MYO3A: variants seen among roughly 807,000 people sequenced by gnomAD.
The protein encoded by MYO3A is myosin-IIIa.
MYO3A carries 180 observed loss-of-function variants against 192.7 expected under a neutral mutation model. The observed-to-expected ratio is 0.93, with a 90% CI of 0.83 to 1.06. MYO3A has a LOEUF of 1.06. Ranked by LOEUF, MYO3A falls within the 50% of genes least tolerant of loss-of-function variation. MYO3A has a pLI of 0.00. For synonymous variants in MYO3A, 628 were observed against 645.3 expected (o/e 0.97, Z 0.41); for missense variants, 1,896 against 1,905.0 (o/e 1.00, Z 0.09).
At chr10:25,998,588 C>A (rs1040559645) in intron 6 of MYO3A, among the ~76,000 whole-genome samples, 4 of 152,058 alleles carry the variant, frequency 2.6e-5, no homozygotes, top group Non-Finnish European at 5.9e-5. Context: ...TTCACTGCTT[C>A]ATAGGAGGGG....
At chr10:26,056,682 AG>A (rs34669089) in intron 10 of MYO3A, among the ~76,000 whole-genome samples, 71,729 of 151,824 alleles carry the variant, frequency 0.47, 17,780 homozygotes, top group Middle Eastern at 0.59. Flanking sequence ...AATGTGTTCA[AG>A]TTCCAAATGC....
At chr10:26,164,919 C>T (rs1004045219) in intron 26 of MYO3A, among the ~76,000 whole-genome samples, 1 of 152,146 alleles carries the variant, frequency 6.6e-6, no homozygotes, top group African/African-American at 2.4e-5. Flanking sequence ...ACCATGTGTA[C>T]ATGAGCGAGT....
At chr10:26,075,590 G>C (rs1284911654) in intron 14 of MYO3A, among the ~76,000 whole-genome samples, 1 of 128,810 alleles carries the variant, frequency 7.8e-6, no homozygotes, top group Non-Finnish European at 1.7e-5. Context: ...ATATATATAT[G>C]ATATATATAT....
chr10:26,003,734 T>C (rs1346682152), intron 6 of MYO3A, among the ~76,000 whole-genome samples: 1 of 152,204 alleles, frequency 6.6e-6, no homozygotes, highest in Admixed American at 6.5e-5. Flanking sequence ...GGACAGCCCT[T>C]AGTTCTTATT....
intron 26 of MYO3A, among the ~76,000 whole-genome samples, chr10:26,163,181 T>C (rs188312633): frequency 2.0e-5 from 3 of 152,310 alleles, no homozygotes; most frequent in African/African-American, 7.2e-5. Context: ...TGGCAAACAA[T>C]TTAAAGCCAA....
chr10:26,093,255 G>A (rs1342064124), intron 15 of MYO3A, among the ~76,000 whole-genome samples: 1 of 152,182 alleles, frequency 6.6e-6, no homozygotes, highest in African/African-American at 2.4e-5. Flanking sequence ...CACATTGTTA[G>A]CACTTAACTG....
chr10:26,117,437 A>G (rs1318005306), intron 17 of MYO3A, among the ~76,000 whole-genome samples: 1 of 152,116 alleles, frequency 6.6e-6, no homozygotes, highest in Non-Finnish European at 1.5e-5. Context: ...TAAGCCTGGT[A>G]CCCATTAGTT....
At chr10:26,143,395 A>G in intron 20 of MYO3A, 53 bp from the exon 21 acceptor site, 2 of 1,538,588 alleles carry the variant, frequency 1.3e-6, no homozygotes, top group Non-Finnish European at 1.8e-6. Flanking sequence ...TTAGGTAATT[A>G]CTATGAAGCT....
chr10:26,159,009 A>ATTT (rs200816614), intron 26 of MYO3A, among the ~76,000 whole-genome samples: 1 of 143,886 alleles, frequency 6.9e-6, no homozygotes, highest in Non-Finnish European at 1.5e-5. Context: ...ATTTCTGCTA[A>ATTT]TTTTTTTTTT....
At chr10:25,945,833 A>T (rs968198629) in intron 2 of MYO3A, among the ~76,000 whole-genome samples, 1 of 152,008 alleles carries the variant, frequency 6.6e-6, no homozygotes, top group African/African-American at 2.4e-5. Context: ...CTCTAATACT[A>T]TCTCCCTTGT....
intron 18 of MYO3A, 105 bp from the exon 19 acceptor site, chr10:26,125,293 A>G (rs1287546249): frequency 4.1e-6 from 4 of 984,222 alleles, no homozygotes; most frequent in Non-Finnish European, 6.3e-6. Context: ...ATCTCCACAC[A>G]TTTAATTCAT....
intron 17 of MYO3A, among the ~76,000 whole-genome samples, chr10:26,098,746 G>T (rs1288964287): frequency 6.6e-6 from 1 of 152,042 alleles, no homozygotes; most frequent in East Asian, 1.9e-4. Flanking sequence ...ATTTCTGAGG[G>T]TTCTTTTCTG....
chr10:26,155,258 G>A (rs1841044960), intron 25 of MYO3A, among the ~76,000 whole-genome samples: 1 of 152,204 alleles, frequency 6.6e-6, no homozygotes, highest in South Asian at 2.1e-4. Flanking sequence ...AAGGAAAATA[G>A]AGCCCGTGTA....
At chr10:26,067,766 A>C (rs1834943509) in intron 11 of MYO3A, among the ~76,000 whole-genome samples, 1 of 152,196 alleles carries the variant, frequency 6.6e-6, no homozygotes, top group Non-Finnish European at 1.5e-5. Context: ...ACGTAGTCAG[A>C]TCATTAGAGA....
At chr10:26,199,795 A>T (rs942476560) in intron 32 of MYO3A, among the ~76,000 whole-genome samples, 1 of 152,220 alleles carries the variant, frequency 6.6e-6, no homozygotes, top group Non-Finnish European at 1.5e-5. Context: ...CTGTCACTCA[A>T]CATAGTGCCA....
intron 20 of MYO3A, among the ~76,000 whole-genome samples, chr10:26,131,246 A>G (rs1371088102): frequency 6.6e-6 from 1 of 152,250 alleles, no homozygotes; most frequent in African/African-American, 2.4e-5. Context: ...TGTAATAGAC[A>G]GTGGGACACT....
intron 31 of MYO3A, among the ~76,000 whole-genome samples, chr10:26,192,674 A>C (rs1485613563): frequency 9.2e-6 from 1 of 109,250 alleles, no homozygotes; most frequent in Admixed American, 1.1e-4. Context: ...TTTTCTTGAG[A>C]CAGAGTTTTG....
intron 23 of MYO3A, 29 bp downstream of exon 23, chr10:26,147,588 T>G: frequency 6.2e-7 from 1 of 1,613,706 alleles, no homozygotes; most frequent in Non-Finnish European, 8.5e-7. Flanking sequence ...CCTGGAAGTT[T>G]TCTGAAGCCC....
At chr10:26,080,552 A>G (rs1375535797) in intron 14 of MYO3A, among the ~76,000 whole-genome samples, 20 of 76,414 alleles carry the variant, frequency 2.6e-4, no homozygotes, top group African/African-American at 1.0e-3. Context: ...TTTTTTTTTC[A>G]GTTCAGATCC....
Sources: allele counts gnomAD v4.1 joint callset (sites outside exome capture counted in the v4.1 genomes callset), GRCh38; gene constraint gnomAD v4.1.1; transcripts MANE v1.5; gene names NCBI Gene and HGNC (gene_info 2026-07-23, HGNC 2026-07-21).